Variants in ADAM22 observed in about 807,000 individuals in gnomAD.
ADAM22 encodes the protein ADAM metallopeptidase domain 22, also known as disintegrin and metalloproteinase domain-containing protein 22.
ADAM22 carries 65 observed loss-of-function variants against 144.6 expected under a neutral mutation model. The observed-to-expected ratio is 0.45, with a 90% CI of 0.37 to 0.55. The LOEUF is 0.55. Ranked by LOEUF, ADAM22 falls within the 20% of genes least tolerant of loss-of-function variation. The probability of loss-of-function intolerance (pLI) is 0.00; values close to 1 mark genes in which losing one functional copy is unlikely to be tolerated. For synonymous variants in ADAM22, 391 were observed against 412.6 expected (o/e 0.95, Z 0.63); for missense variants, 974 against 1,184.9 (o/e 0.82, Z 2.61).
intron 3 of ADAM22, among the ~76,000 whole-genome samples, chr7:87,995,266 G>A (rs953452926): frequency 2.6e-5 from 4 of 152,216 alleles, no homozygotes; most frequent in Non-Finnish European, 4.4e-5. Context: ...GTTGATTGCT[G>A]CTGGGCAGTG....
At chr7:88,133,407 A>G (rs1249976685) in intron 12 of ADAM22, among the ~76,000 whole-genome samples, 2 of 151,276 alleles carry the variant, frequency 1.3e-5, no homozygotes, top group African/African-American at 4.8e-5. Context: ...AATAAAATTA[A>G]AAATATAAAA....
At chr7:88,076,127 T>A (rs1156527865) in intron 4 of ADAM22, among the ~76,000 whole-genome samples, 3 of 152,166 alleles carry the variant, frequency 2.0e-5, no homozygotes, top group African/African-American at 7.2e-5. Context: ...AAGCTCTGCC[T>A]CCTGGGTTCA....
chr7:88,169,672 A>G (rs1843794038), intron 25 of ADAM22, among the ~76,000 whole-genome samples: 1 of 152,102 alleles, frequency 6.6e-6, no homozygotes, highest in Non-Finnish European at 1.5e-5. Context: ...TCAGCATAAC[A>G]TTTGGAGTTA....
At chr7:87,999,882 C>T (rs1044387550) in intron 3 of ADAM22, among the ~76,000 whole-genome samples, 9 of 151,526 alleles carry the variant, frequency 5.9e-5, no homozygotes, top group African/African-American at 2.2e-4. Context: ...AGGCTGAGGT[C>T]GAAGGAGACT....
Position 87,934,617 on chromosome 7 carries a change from G to A in ADAM22, c.85+67G>A, listed in dbSNP as rs1224834142. On this transcript the variant is annotated intron_variant, in intron 1 of 31. Coordinates refer to ENST00000413139, the MANE Select transcript of ADAM22 (RefSeq NM_001324418.2). Reference sequence around the variant, plus strand: ...CCGGGAATCTTTGGAGCCCTCAGGCGTATTGAAAAGGGGGCATCCCCATTT... The same window carrying A: ...CCGGGAATCTTTGGAGCCCTCAGGCATATTGAAAAGGGGGCATCCCCATTT... 4 of 1,427,944 alleles carry A rather than the reference G, an allele frequency of 2.8e-6. No homozygotes were observed. The South Asian group carries it at 3.8e-5, about 13-fold the overall frequency. The allele number at this position is 1,427,944 out of a possible 1,614,324, so 88.5% of individuals were successfully genotyped here. A position where few individuals can be genotyped will look rare whatever the true frequency, so the allele number is the denominator to read the frequency against.
At chr7:88,155,848 T>C in intron 21 of ADAM22, 39 bp from the exon 22 acceptor site, 1 of 1,605,790 alleles carries the variant, frequency 6.2e-7, no homozygotes, top group South Asian at 1.1e-5. Context: ...GTTTGCTATA[T>C]ATTTGGGAAA....
chr7:87,972,865 G>A (rs1850815284), intron 2 of ADAM22, among the ~76,000 whole-genome samples: 1 of 152,128 alleles, frequency 6.6e-6, no homozygotes, highest in African/African-American at 2.4e-5. Context: ...TTTAATAAAT[G>A]GTGCTGGGAA....
intron 4 of ADAM22, among the ~76,000 whole-genome samples, chr7:88,089,208 CA>C (rs1248854813): frequency 6.6e-6 from 1 of 151,892 alleles, no homozygotes; most frequent in East Asian, 1.9e-4. Context: ...ACTGCATTAC[CA>C]TACAGAATCT....
At chr7:87,994,237 C>T (rs190341906) in intron 3 of ADAM22, among the ~76,000 whole-genome samples, 10 of 151,828 alleles carry the variant, frequency 6.6e-5, no homozygotes, top group African/African-American at 2.2e-4. Flanking sequence ...TCTCAGCTCA[C>T]TGCAAGCTCC....
chr7:87,995,013 G>A (rs1020773005), intron 3 of ADAM22, among the ~76,000 whole-genome samples: 1 of 151,930 alleles, frequency 6.6e-6, no homozygotes, highest in African/African-American at 2.4e-5. Flanking sequence ...TGTATTTTTA[G>A]TAGAGACGGG....
Position 88,027,834 on chromosome 7 carries a change from T to TG in ADAM22, c.324-47791dup, listed in dbSNP as rs1799368066. Among the ~76,000 whole-genome samples, 4 of 152,008 alleles carry TG rather than the reference T, an allele frequency of 2.6e-5. No individual in the cohort carries two copies. In the South Asian group the frequency reaches 8.3e-4, roughly 32 times the overall value. On this transcript the variant is annotated intron_variant, in intron 3 of 31. Coordinates refer to ENST00000413139, the MANE Select transcript of ADAM22 (RefSeq NM_001324418.2). ...TTTTTTTTTTTCTGAGACAGAGTCT[T>TG]GCTCTGTTGCCCAGAGGCATTATCT...
At chr7:88,071,846 C>T (rs113393225) in intron 3 of ADAM22, among the ~76,000 whole-genome samples, 325 of 152,186 alleles carry the variant, frequency 2.1e-3, no homozygotes, top group African/African-American at 7.4e-3. Context: ...GTGAATTCTA[C>T]CTGACCCATT....
chr7:88,077,757 G>C (rs994646813), intron 4 of ADAM22, among the ~76,000 whole-genome samples: 1 of 152,224 alleles, frequency 6.6e-6, no homozygotes, highest in African/African-American at 2.4e-5. Context: ...TAGCACAGCA[G>C]TCTGAGATCA....
intron 3 of ADAM22, among the ~76,000 whole-genome samples, chr7:88,016,534 T>A (rs968292401): frequency 3.9e-5 from 6 of 152,236 alleles, no homozygotes; most frequent in Non-Finnish European, 7.3e-5. Context: ...ACTTTATATA[T>A]GTCTTTTTTT....
Position 88,130,400 on chromosome 7 carries a change from C to T in ADAM22, c.766C>T (p.Arg256Trp), listed in dbSNP as rs201144493. The T allele has an allele frequency of 1.8e-4, 293 of 1,611,912 alleles. 1 individual carries two copies. Among genetic ancestry groups the T allele is most frequent in the Non-Finnish European group, 1.9e-4 (226 of 1,178,842 alleles). Residue 256 changes from arginine (R) to tryptophan (W), a missense_variant, in exon 10 of 32, where the codon CGG becomes TGG. By Grantham distance (101) the Arg-to-Trp change is moderately radical. Coordinates refer to ENST00000413139, the MANE Select transcript of ADAM22 (RefSeq NM_001324418.2). ...CTTTTGCTTTCAGTTTAAAAAACAT[C>T]GGCTTTCCGTTGTACATACCAATAC... ...VNDHLMFKKH[R>W]LSVVHTNTYA...
chr7:87,939,129 C>T lies in ADAM22; in HGVS notation c.246+3943C>T, dbSNP rs752852626. On this transcript the variant is annotated intron_variant, in intron 2 of 31. Coordinates refer to ENST00000413139, the MANE Select transcript of ADAM22 (RefSeq NM_001324418.2). The stretch of plus-strand genomic sequence containing the variant: ...TTCTGGAGGTGATCACAGAGGCCAG[C>T]GGAGGCAGAGAAGGCTAGTACTTAA... 2.0e-5 allele frequency among the ~76,000 whole-genome samples: 3 copies of T among 151,844 alleles called. No homozygotes were observed. The East Asian group carries it at 5.8e-4, about 29-fold the overall frequency.
chr7:88,096,661 T>C (rs1821415103), intron 4 of ADAM22, among the ~76,000 whole-genome samples: 1 of 152,092 alleles, frequency 6.6e-6, no homozygotes, highest in Admixed American at 6.5e-5. Flanking sequence ...TTCTATTCCT[T>C]TGTGGTAAGT....
At chr7:88,044,706 A>G (rs1804096252) in intron 3 of ADAM22, among the ~76,000 whole-genome samples, 1 of 150,316 alleles carries the variant, frequency 6.7e-6, no homozygotes, top group Admixed American at 6.6e-5. Context: ...TCGGTCTCCC[A>G]AAGTGCTGGG....
chr7:88,059,795 A>G (rs1213966826), intron 3 of ADAM22, among the ~76,000 whole-genome samples: 2 of 152,226 alleles, frequency 1.3e-5, no homozygotes, highest in African/African-American at 4.8e-5. Flanking sequence ...TCTTACTTAT[A>G]AGTGAAAGCT....
Sources: allele counts gnomAD v4.1 joint callset (sites outside exome capture counted in the v4.1 genomes callset), GRCh38; gene constraint gnomAD v4.1.1; transcripts MANE v1.5; gene names NCBI Gene and HGNC (gene_info 2026-07-23, HGNC 2026-07-21).